CDCP1: variants seen among roughly 807,000 people sequenced by gnomAD.
The protein encoded by CDCP1 is CUB domain containing protein 1.
Under a neutral mutation model 60.2 loss-of-function variants are expected in CDCP1, and 29 were observed. That is an observed-to-expected ratio of 0.48 (90% CI 0.36 to 0.66). CDCP1 has a LOEUF of 0.66. CDCP1 is among the 30% of genes least tolerant of loss of function. The pLI, the probability that CDCP1 is intolerant of heterozygous loss-of-function variation, is 0.00. For synonymous variants in CDCP1, 387 were observed against 431.1 expected (o/e 0.90, Z 1.27); for missense variants, 876 against 1,074.3 (o/e 0.82, Z 2.58).
At chr3:45,106,508 AG>A in intron 4 of CDCP1, among the ~76,000 whole-genome samples, 1 of 152,324 alleles carries the variant, frequency 6.6e-6, no homozygotes, top group Middle Eastern at 3.4e-3. Context: ...ACTTTGGAAA[AG>A]ATGCTGACTC....
At chr3:45,108,384 A>C (rs1412455017) in intron 4 of CDCP1, among the ~76,000 whole-genome samples, 1 of 152,196 alleles carries the variant, frequency 6.6e-6, no homozygotes, top group Non-Finnish European at 1.5e-5. Context: ...TCTCAACGGC[A>C]GTTATTGCCC....
chr3:45,146,453 C>A (rs556663780), upstream of CDCP1: 2 of 523,148 alleles, frequency 3.8e-6, no homozygotes, highest in Admixed American at 8.8e-5. Context: ...TGACCCGGTG[C>A]GTCCCTCCTC....
intron 1 of CDCP1, among the ~76,000 whole-genome samples, chr3:45,134,666 C>T (rs1041390998): frequency 1.3e-5 from 2 of 152,176 alleles, no homozygotes; most frequent in South Asian, 4.1e-4. Flanking sequence ...AGATGGCAAA[C>T]AGGTTTCTGA....
intron 4 of CDCP1, among the ~76,000 whole-genome samples, chr3:45,099,891 G>A (rs1036305755): frequency 1.3e-5 from 2 of 152,110 alleles, no homozygotes; most frequent in Non-Finnish European, 2.9e-5. Flanking sequence ...TAACTTGAGA[G>A]TCTTGATAGC....
At chr3:45,143,387 A>C (rs1421528847) in intron 1 of CDCP1, among the ~76,000 whole-genome samples, 1 of 152,114 alleles carries the variant, frequency 6.6e-6, no homozygotes, top group Non-Finnish European at 1.5e-5. Flanking sequence ...CACTGAATAG[A>C]CCTATTAAAA....
chr3:45,129,221 CTA>C (rs1699048501), intron 1 of CDCP1, among the ~76,000 whole-genome samples: 1 of 152,202 alleles, frequency 6.6e-6, no homozygotes, highest in South Asian at 2.1e-4. Flanking sequence ...GGGTCACAGT[CTA>C]TATCACAGTC....
At chr3:45,134,130 C>A (rs972983218) in intron 1 of CDCP1, among the ~76,000 whole-genome samples, 1 of 151,902 alleles carries the variant, frequency 6.6e-6, no homozygotes, top group Non-Finnish European at 1.5e-5. Context: ...GTTTTTGAGG[C>A]CTTAGATCTA....
rs1698130909 is a variant in CDCP1 at position 45,083,120 on chromosome 3, T to C, written c.*2518A>G. 1 of 152,140 alleles carries C rather than the reference T, an allele frequency of 6.6e-6. No individual in the cohort carries two copies. The highest frequency in any genetic ancestry group is 6.5e-5 in the Admixed American group (1 of 15,270). 9.4% of individuals were successfully genotyped at this position (152,140 alleles called of 1,614,324 possible). A position where few individuals can be genotyped will look rare whatever the true frequency, so the allele number is the denominator to read the frequency against. On this transcript the variant is annotated 3_prime_UTR_variant, in exon 9 of 9. Coordinates refer to ENST00000296129, the MANE Select transcript of CDCP1 (RefSeq NM_022842.5). ...GCACCTAGTCCTGCTTGGAAGGGGC[T>C]GGGAGGTTGGGGAATGTCGAGAATG...
chr3:45,092,195 A>G (rs1213902513), intron 6 of CDCP1, among the ~76,000 whole-genome samples: 1 of 152,228 alleles, frequency 6.6e-6, no homozygotes, highest in Non-Finnish European at 1.5e-5. Context: ...GGACTTTTGA[A>G]AAAAAACAAA....
chr3:45,089,071 A>G lies in CDCP1; in HGVS notation c.2064T>C (p.Ile688=). 6.2e-7 allele frequency: 1 copy of G among 1,614,052 alleles called. No individual in the cohort carries two copies. The highest frequency in any genetic ancestry group is 2.2e-5 in the East Asian group (1 of 44,880). The change falls in exon 8 of 9, where the codon ATT becomes ATC. Residue 688 remains isoleucine (I), a synonymous_variant. Coordinates refer to ENST00000296129, the MANE Select transcript of CDCP1 (RefSeq NM_022842.5). Reference sequence around the variant, plus strand: ...CCACCTACTTCTTTTTCACACAGCAAATGATGAGCCCGAGGGCAGACAGCA... The same window carrying G: ...CCACCTACTTCTTTTTCACACAGCAGATGATGAGCCCGAGGGCAGACAGCA... ...VLLLSALGLI[I]CCVKKKKKKT... is the part of the protein sequence containing the mutation.
rs372597872 is a variant in CDCP1 at position 45,112,427 on chromosome 3, C to T, written c.311G>A (p.Cys104Tyr). 91 of 1,613,714 alleles carry T rather than the reference C, an allele frequency of 5.6e-5. No homozygotes were observed. In the South Asian group the frequency reaches 9.4e-4, roughly 17 times the overall value. ...QKNIDCMSGP[C>Y]PFGEVQLQPS... is the part of the protein sequence containing the mutation. ...CTGAAGCTGAACCTCCCCAAAAGGA[C>T]ATGGGCCTGACATACAGTCTGAAAA... Residue 104 changes from cysteine to tyrosine, a missense_variant, in exon 3 of 9, where the codon TGT becomes TAT. Physicochemically the swap from Cys to Tyr is radical, Grantham distance 194. This residue lies in a region of CDCP1 where 150 missense variants were observed against 138.6 expected (regional missense o/e 1.08). Transcript: ENST00000296129.
chr3:45,098,860 G>A (rs1186969203), intron 4 of CDCP1, among the ~76,000 whole-genome samples: 1 of 151,936 alleles, frequency 6.6e-6, no homozygotes, highest in Non-Finnish European at 1.5e-5. Context: ...CATTTCCTTA[G>A]TTTCTATGTA....
intron 4 of CDCP1, among the ~76,000 whole-genome samples, chr3:45,105,239 AT>A (rs1364153456): frequency 2.0e-5 from 3 of 152,128 alleles, no homozygotes; most frequent in East Asian, 3.9e-4. Context: ...TAGATAGACA[AT>A]TTTTTTTGGA....
At chr3:45,118,148 T>G (rs1444637028) in intron 2 of CDCP1, among the ~76,000 whole-genome samples, 1 of 152,192 alleles carries the variant, frequency 6.6e-6, no homozygotes, top group Non-Finnish European at 1.5e-5. Context: ...CTCCTGATCT[T>G]CTGCTTACTA....
chr3:45,133,357 G>T (rs1445040494), intron 1 of CDCP1, among the ~76,000 whole-genome samples: 1 of 150,980 alleles, frequency 6.6e-6, no homozygotes, highest in African/African-American at 2.4e-5. Context: ...CTACAGAACT[G>T]TGAGCTAACA....
In CDCP1 at chr3:45,085,763, G is replaced by A. The variant is rs371469220; in HGVS notation, c.2386C>T (p.Arg796Cys). ...TCACTCTCAGACTCAGGAGGGGAGC[G>A]AGGAGGTGGCTCCTCAGTGGCCAAC... ...AKLATEEPPPRSPPESESEPY... is the reference protein window; with the variant it reads ...AKLATEEPPPCSPPESESEPY... The change falls in exon 9 of 9, where the codon CGC becomes TGC. Residue 796 changes from arginine to cysteine, a missense_variant. By Grantham distance (180) the Arg-to-Cys change is radical. Coordinates refer to ENST00000296129, the MANE Select transcript of CDCP1 (RefSeq NM_022842.5). The surrounding 1 kb of genome is among the most constrained non-coding windows in gnomAD (Gnocchi z 4.2). The A allele has an allele frequency of 4.7e-4, 760 of 1,614,174 alleles. 6 individuals are homozygous for A. In the South Asian group the frequency reaches 6.3e-3, roughly 13 times the overall value.
chr3:45,102,783 C>T (rs1698501688), intron 4 of CDCP1, among the ~76,000 whole-genome samples: 1 of 152,176 alleles, frequency 6.6e-6, no homozygotes, highest in Non-Finnish European at 1.5e-5. Context: ...ACCTCAGCCT[C>T]CCTAGTAGCT....
At chr3:45,132,946 G>C (rs756180189) in intron 1 of CDCP1, among the ~76,000 whole-genome samples, 4 of 152,156 alleles carry the variant, frequency 2.6e-5, no homozygotes, top group Non-Finnish European at 4.4e-5. Flanking sequence ...CATGTTGAAC[G>C]GTACTGTTAA....
intron 1 of CDCP1, among the ~76,000 whole-genome samples, chr3:45,134,856 T>C (rs562091217): frequency 2.2e-4 from 33 of 152,260 alleles, no homozygotes; most frequent in African/African-American, 7.5e-4. Flanking sequence ...ATTATGTCAA[T>C]GAGGATGTCC....
Sources: allele counts gnomAD v4.1 joint callset (sites outside exome capture counted in the v4.1 genomes callset), GRCh38; gene constraint gnomAD v4.1.1; regional missense constraint gnomAD v4.1.1; non-coding constraint Gnocchi (gnomAD v3.1); transcripts MANE v1.5; gene names NCBI Gene and HGNC (gene_info 2026-07-23, HGNC 2026-07-21).